L1TD1: variants seen among roughly 807,000 people sequenced by gnomAD.
The protein encoded by L1TD1 is LINE1 type transposase domain containing 1.
Under a neutral mutation model 25.7 loss-of-function variants are expected in L1TD1, and 26 were observed. The ratio of observed to expected loss-of-function variants is 1.01; its 90% CI spans 0.74 to 1.40. The LOEUF (loss-of-function observed/expected upper bound fraction) is 1.40, where lower values mean the gene tolerates loss of function less well. Ranked by LOEUF, L1TD1 falls within the 40% of genes most tolerant of loss-of-function variation. L1TD1 has a pLI of 0.00. For missense variants in L1TD1, 1,130 were observed against 975.0 expected, an observed-to-expected ratio of 1.16 and a Z score of -2.12; for synonymous variants, 421 against 335.6, an observed-to-expected ratio of 1.25 and a Z score of -2.78.
rs890204634 is a variant in L1TD1, at chr1:62,211,007, C to T, written c.2233C>T (p.Arg745Ter). The T allele has an allele frequency of 3.6e-5, 56 of 1,546,126 alleles. No individual in the cohort carries two copies. Among genetic ancestry groups the T allele is most frequent in the Admixed American group, 3.0e-4 (15 of 49,588 alleles). ...AAGTCTTGAGATTGTCAGTGCTTGT[C>T]GAGTACCTAGTAAAATTGATGAAAA... ...GSSLEIVSACRVPSKIDEKRL... is the reference protein window; with the variant it reads ...GSSLEIVSAC Residue 745 changes from arginine to a stop codon, truncating the protein, a stop_gained, in exon 4 of 4, where the codon CGA becomes TGA. Coordinates refer to ENST00000498273, the MANE Select transcript of L1TD1 (RefSeq NM_019079.5). LOFTEE classifies it low-confidence loss of function (END_TRUNC).
intron 2 of L1TD1, among the ~76,000 whole-genome samples, chr1:62,198,380 A>G (rs1670582674): frequency 1.3e-5 from 2 of 151,824 alleles, no homozygotes; most frequent in Admixed American, 1.3e-4. Flanking sequence ...TACCACACCA[A>G]ACTTTGGGTG....
chr1:62,203,284 A>G (rs555472861), intron 2 of L1TD1, among the ~76,000 whole-genome samples: 2 of 152,188 alleles, frequency 1.3e-5, no homozygotes, highest in African/African-American at 4.8e-5. Flanking sequence ...TATACTGTTT[A>G]AGTATACAAT....
Position 62,207,359 on chromosome 1 carries a change from C to T in L1TD1, c.731C>T (p.Thr244Ile), listed in dbSNP as rs1354913770. The change falls in exon 3 of 4, where the codon ACC becomes ATC. Residue 244 changes from threonine (T) to isoleucine (I), a missense_variant. By Grantham distance (89) the Thr-to-Ile change is moderately conservative. Transcript: ENST00000498273. ...TTGATGGATGAAGGAGCAGTACTTA[C>T]CCTGGTAGCCGACCTTTCATCAGCA... is the stretch of plus-strand genomic sequence containing the variant. Reference protein sequence around the residue: ...KVLMDEGAVLTLVADLSSATL... With the variant: ...KVLMDEGAVLILVADLSSATL... The T allele has an allele frequency of 6.4e-7, 1 of 1,551,568 alleles. No individual in the cohort carries two copies.
intron 2 of L1TD1, among the ~76,000 whole-genome samples, chr1:62,197,151 TGAG>T (rs1023156251): frequency 6.6e-6 from 1 of 151,522 alleles, no homozygotes; most frequent in Non-Finnish European, 1.5e-5. Flanking sequence ...TTTGGGAGGT[TGAG>T]GAGGCCAGAT....
At position 62,210,220 on chromosome 1, in the gene L1TD1, A is replaced by G. The variant is rs2481694; in HGVS notation, c.1446A>G (p.Glu482=). ...AGGATTCTGAATCAGAGGAGGAAGAAGAAGGAAAGAGCTCTGAAACAGGAA... is the reference window on the plus strand; with the variant it reads ...AGGATTCTGAATCAGAGGAGGAAGAGGAAGGAAAGAGCTCTGAAACAGGAA... ...SVEDSESEEE[E]EGKSSETGKV... The change falls in exon 4 of 4, where the codon GAA becomes GAG. Residue 482 remains glutamate (E), a synonymous_variant. Transcript: ENST00000498273. 1,021,949 of 1,613,534 alleles carry G rather than the reference A, an allele frequency of 0.63. 329,252 individuals are homozygous for G. Among genetic ancestry groups the G allele is most frequent in the Non-Finnish European group, 0.66 (781,767 of 1,179,806 alleles).
At chr1:62,195,230 G>C (rs1670511254) in intron 1 of L1TD1, among the ~76,000 whole-genome samples, 1 of 151,952 alleles carries the variant, frequency 6.6e-6, no homozygotes, top group Non-Finnish European at 1.5e-5. Flanking sequence ...CGTGAGGCCC[G>C]AGGTGCCCCA....
chr1:62,207,990 G>C (rs765688792), intron 3 of L1TD1: 16 of 163,396 alleles, frequency 9.8e-5, no homozygotes, highest in Non-Finnish European at 2.0e-4. Context: ...TTACAGGCGT[G>C]AGCCACTGGG....
rs1670766647 is a variant in L1TD1, at chr1:62,207,210, T to C, written c.582T>C (p.Phe194=). ...GAAATCGCAATGTCCATTTAGAATT[T>C]ACAGAAAGAGAGAGTAGGAAGGATG... is the stretch of plus-strand genomic sequence containing the variant. ...RDGNRNVHLE[F]TERESRKDGE... The change falls in exon 3 of 4, where the codon TTT becomes TTC. Residue 194 remains phenylalanine (F), a synonymous_variant. Transcript: ENST00000498273. The C allele has an allele frequency of 3.2e-6, 5 of 1,551,744 alleles. No individual in the cohort carries two copies. Among genetic ancestry groups the C allele is most frequent in the South Asian group, 1.2e-5 (1 of 84,116 alleles).
At chr1:62,199,825 C>T (rs1244650225) in intron 2 of L1TD1, among the ~76,000 whole-genome samples, 2 of 152,108 alleles carry the variant, frequency 1.3e-5, no homozygotes, top group Non-Finnish European at 2.9e-5. Context: ...AAAAAATCCC[C>T]AGGGTCACTA....
At chr1:62,203,945 C>CAT (rs1670689087) in intron 2 of L1TD1, among the ~76,000 whole-genome samples, 2 of 152,036 alleles carry the variant, frequency 1.3e-5, no homozygotes, top group South Asian at 4.2e-4. Context: ...AGGCCGGTCT[C>CAT]AAAGTCCTGA....
At chr1:62,207,687 T>C in intron 3 of L1TD1, 51 bp downstream of exon 3, 1 of 1,438,946 alleles carries the variant, frequency 6.9e-7, no homozygotes, top group African/African-American at 1.4e-5. Flanking sequence ...AATGTAATAG[T>C]AGGCATGGTT....
chr1:62,207,457 CTG>C lies in L1TD1; in HGVS notation c.834_835del (p.Cys278Ter), dbSNP rs778256689. On this transcript the variant is annotated frameshift_variant, in exon 3 of 4. Coordinates refer to ENST00000498273, the MANE Select transcript of L1TD1 (RefSeq NM_019079.5). LOFTEE classifies it high-confidence loss of function. ...AGAAAATGATTTTGAACCTAAATTT[CTG>C]TGTGAAGTTAAATTAGCATTTAAAT... Reference protein sequence around the residue: ...LRENDFEPKFLCEVKLAFKCD... With the variant: ...LRENDFEPKFXCEVKLAFKCD... The C allele has an allele frequency of 1.3e-6, 2 of 1,550,954 alleles. No individual in the cohort carries two copies. The highest frequency in any genetic ancestry group is 1.7e-6 in the Non-Finnish European group (2 of 1,146,610).
rs748924389 is a variant in L1TD1, at chr1:62,210,214, G to A, written c.1440G>A (p.Glu480=). 3.1e-6 allele frequency: 5 copies of A among 1,613,880 alleles called. No homozygotes were observed. In the African/African-American group the frequency reaches 6.7e-5, roughly 22 times the overall value. Residue 480 remains glutamate (E), a synonymous_variant, in exon 4 of 4, where the codon GAG becomes GAA. Coordinates refer to ENST00000498273, the MANE Select transcript of L1TD1 (RefSeq NM_019079.5). ...CTGTAGAGGATTCTGAATCAGAGGA[G>A]GAAGAAGAAGGAAAGAGCTCTGAAA... The part of the protein sequence containing the change: ...IDSVEDSESE[E]EEEGKSSETG...
rs1232990840 is a variant in L1TD1, at chr1:62,210,571, A to G, written c.1797A>G (p.Thr599=). 4 of 1,613,080 alleles carry G rather than the reference A, an allele frequency of 2.5e-6. No homozygotes were observed. The African/African-American group carries it at 4.0e-5, about 16-fold the overall frequency. The part of the protein sequence containing the change: ...TEEKKHRTLH[T]EELTSKEADL... Reference sequence around the variant, plus strand: ...AAAAGAAACACAGAACTCTGCACACAGAAGAACTAACATCCAAAGAAGCAG... The same window carrying G: ...AAAAGAAACACAGAACTCTGCACACGGAAGAACTAACATCCAAAGAAGCAG... Residue 599 remains threonine, a synonymous_variant, in exon 4 of 4, where the codon ACA becomes ACG. Coordinates refer to ENST00000498273, the MANE Select transcript of L1TD1 (RefSeq NM_019079.5).
rs767312908 is a variant in L1TD1 at position 62,211,097 on chromosome 1, A to C, written c.2323A>C (p.Arg775=). Residue 775 remains arginine (R), a synonymous_variant, in exon 4 of 4, where the codon AGG becomes CGG. Coordinates refer to ENST00000498273, the MANE Select transcript of L1TD1 (RefSeq NM_019079.5). ...TTCTAGTGATAAAGAGAAAATAATA[A>C]GGGCTTCTAGAGAGAGAAGAGAAAT... The part of the protein sequence containing the change: ...WNSSDKEKII[R]ASRERREITY... The C allele has an allele frequency of 1.4e-5, 22 of 1,550,544 alleles. No homozygotes were observed. Among genetic ancestry groups the C allele is most frequent in the Admixed American group, 5.9e-5 (3 of 50,736 alleles).
chr1:62,198,526 G>T (rs910715704), intron 2 of L1TD1, among the ~76,000 whole-genome samples: 2 of 145,410 alleles, frequency 1.4e-5, no homozygotes, highest in East Asian at 4.1e-4. Flanking sequence ...ACCCCCCGCC[G>T]CCGCCCCACC....
Position 62,211,108 on chromosome 1 carries a change from A to G in L1TD1, c.2334A>G (p.Arg778=). The G allele has an allele frequency of 4.5e-6, 7 of 1,549,508 alleles. No individual in the cohort carries two copies. The highest frequency in any genetic ancestry group is 6.1e-6 in the Non-Finnish European group (7 of 1,146,572). Residue 778 remains arginine (R), a synonymous_variant, in exon 4 of 4, where the codon AGA becomes AGG. Transcript: ENST00000498273. ...SDKEKIIRAS[R]ERREITYQGT... Reference sequence around the variant, plus strand: ...AAGAGAAAATAATAAGGGCTTCTAGAGAGAGAAGAGAAATTACCTACCAAG... The same window carrying G: ...AAGAGAAAATAATAAGGGCTTCTAGGGAGAGAAGAGAAATTACCTACCAAG...
chr1:62,202,066 C>T (rs1436610702), intron 2 of L1TD1, among the ~76,000 whole-genome samples: 2 of 152,026 alleles, frequency 1.3e-5, no homozygotes, highest in Non-Finnish European at 1.5e-5. Flanking sequence ...TTTGGGAGGC[C>T]GAGGTGGGTG....
At position 62,209,818 on chromosome 1, in the gene L1TD1, A is replaced by C; in HGVS notation, c.1044A>C (p.Gly348=). The C allele has an allele frequency of 1.2e-6, 2 of 1,610,344 alleles. No individual in the cohort carries two copies. The highest frequency in any genetic ancestry group is 8.5e-7 in the Non-Finnish European group (1 of 1,178,300). The change falls in exon 4 of 4, where the codon GGA becomes GGC. Residue 348 remains glycine, a synonymous_variant. Transcript: ENST00000498273. ...KTLIDSKHRA[G]EITSDGLSFL... is the part of the protein sequence containing the mutation. ...TAATAGACTCAAAGCATAGAGCTGGAGAAATAACCAGTGATGGCTTGAGCT... is the reference window on the plus strand; with the variant it reads ...TAATAGACTCAAAGCATAGAGCTGGCGAAATAACCAGTGATGGCTTGAGCT...
Sources: allele counts gnomAD v4.1 joint callset (sites outside exome capture counted in the v4.1 genomes callset), GRCh38; gene constraint gnomAD v4.1.1; transcripts MANE v1.5; gene names NCBI Gene and HGNC (gene_info 2026-07-23, HGNC 2026-07-21).